NXPE2: variants seen among roughly 807,000 people sequenced by gnomAD.
NXPE2 encodes the protein neurexophilin and PC-esterase domain family member 2, also known as NXPE family member 2.
Under a neutral mutation model 34.4 loss-of-function variants are expected in NXPE2, and 34 were observed. That is an observed-to-expected ratio of 0.99 (90% CI 0.75 to 1.31). The LOEUF (loss-of-function observed/expected upper bound fraction) is 1.31, where lower values mean the gene tolerates loss of function less well. Among genes scored for constraint, NXPE2 ranks in the 40% most tolerant of loss-of-function variants. The pLI is 0.00. For missense variants in NXPE2, 649 were observed against 672.5 expected, an observed-to-expected ratio of 0.97 and a Z score of 0.39; for synonymous variants, 235 against 231.3, an observed-to-expected ratio of 1.02 and a Z score of -0.15.
the NXPE2 span, among the ~76,000 whole-genome samples, chr11:114,511,362 G>A: frequency 6.6e-6 from 1 of 152,122 alleles, no homozygotes; most frequent in African/African-American, 2.4e-5. Flanking sequence ...CATAGCCAGA[G>A]GGAGCACATC....
At chr11:114,763,091 A>G in the NXPE2 span, among the ~76,000 whole-genome samples, 1 of 152,106 alleles carries the variant, frequency 6.6e-6, no homozygotes, top group Non-Finnish European at 1.5e-5. Context: ...ATTGCTGTTA[A>G]TTGCTTCTAT....
the NXPE2 span, among the ~76,000 whole-genome samples, chr11:114,765,979 C>T: frequency 2.0e-5 from 3 of 152,154 alleles, no homozygotes; most frequent in East Asian, 5.8e-4. Context: ...GCCATCACCT[C>T]CAATGAACTC....
the NXPE2 span, among the ~76,000 whole-genome samples, chr11:114,542,984 G>T: frequency 6.6e-6 from 1 of 152,148 alleles, no homozygotes; most frequent in Non-Finnish European, 1.5e-5. Context: ...GTCAGGTAAA[G>T]TGGCTTATGC....
chr11:114,705,923 A>G lies in NXPE2; in HGVS notation c.1071A>G (p.Glu357=). ...CAAAAAATATAAATGACTGCTTGGA[A>G]AGAAAACTTATTTATCTCATGGGAG... ...NETKNINDCL[E]RKLIYLMGDS... The change falls in exon 5 of 6, where the codon GAA becomes GAG. Residue 357 remains glutamate, a synonymous_variant. Coordinates refer to ENST00000389586, the MANE Select transcript of NXPE2 (RefSeq NM_182495.6). 6.5e-7 allele frequency: 1 copy of G among 1,541,618 alleles called. No homozygotes were observed.
the NXPE2 span, among the ~76,000 whole-genome samples, chr11:114,483,975 CT>C: frequency 6.6e-6 from 1 of 152,144 alleles, no homozygotes; most frequent in African/African-American, 2.4e-5. Context: ...CTTTCTGCAT[CT>C]ACCACTGATG....
chr11:114,474,911 G>A, the NXPE2 span, among the ~76,000 whole-genome samples: 55,350 of 151,986 alleles, frequency 0.36, 10,486 homozygotes, highest in South Asian at 0.49. Context: ...TATGATTGTC[G>A]TGTGACCTTT....
chr11:114,580,000 T>C, the NXPE2 span: 1 of 730,696 alleles, frequency 1.4e-6, no homozygotes, highest in South Asian at 1.7e-5. Flanking sequence ...AACAATGCCT[T>C]GTGAAAAATT....
the NXPE2 span, among the ~76,000 whole-genome samples, chr11:114,477,984 G>T: frequency 6.6e-6 from 1 of 152,110 alleles, no homozygotes; most frequent in South Asian, 2.1e-4. Context: ...ACATCCCTCA[G>T]TGTTGCATGG....
chr11:114,559,563 C>T, the NXPE2 span, among the ~76,000 whole-genome samples: 3 of 151,788 alleles, frequency 2.0e-5, no homozygotes, highest in Admixed American at 6.6e-5. Flanking sequence ...GCTGTCTCAC[C>T]GTCAAAACCA....
chr11:114,614,071 C>G, the NXPE2 span, among the ~76,000 whole-genome samples: 7 of 148,858 alleles, frequency 4.7e-5, no homozygotes, highest in South Asian at 8.6e-4. Context: ...TCGCCTCATG[C>G]ATAACCACTG....
the NXPE2 span, among the ~76,000 whole-genome samples, chr11:114,798,253 A>C: frequency 6.6e-5 from 10 of 152,324 alleles, no homozygotes; most frequent in African/African-American, 2.4e-4. Flanking sequence ...AATTTCTGTC[A>C]CCAACAGGTA....
the NXPE2 span, among the ~76,000 whole-genome samples, chr11:114,802,597 A>G: frequency 6.6e-6 from 1 of 152,188 alleles, no homozygotes; most frequent in Non-Finnish European, 1.5e-5. Flanking sequence ...TGATGGAATC[A>G]TTGAGCTAGA....
the NXPE2 span, among the ~76,000 whole-genome samples, chr11:114,483,394 AT>A: frequency 1.3e-5 from 2 of 152,348 alleles, no homozygotes; most frequent in East Asian, 3.9e-4. Flanking sequence ...TTGCTGTCTA[AT>A]CTTGATCAAA....
At chr11:114,725,993 A>ATAT in the NXPE2 span, among the ~76,000 whole-genome samples, 2 of 127,392 alleles carry the variant, frequency 1.6e-5, no homozygotes. Flanking sequence ...ATATATATAT[A>ATAT]AAAAGAAAAA....
the NXPE2 span, among the ~76,000 whole-genome samples, chr11:114,773,381 G>C: frequency 2.0e-5 from 3 of 149,482 alleles, no homozygotes; most frequent in African/African-American, 7.4e-5. Flanking sequence ...TTCCAGATAA[G>C]AACCCCCCGC....
At chr11:114,670,866 C>A in the NXPE2 span, among the ~76,000 whole-genome samples, 1 of 151,274 alleles carries the variant, frequency 6.6e-6, no homozygotes, top group African/African-American at 2.4e-5. Context: ...GGAGAAAACG[C>A]AGGCAATGGA....
chr11:114,643,291 T>C, the NXPE2 span, among the ~76,000 whole-genome samples: 1 of 152,130 alleles, frequency 6.6e-6, no homozygotes, highest in Non-Finnish European at 1.5e-5. Flanking sequence ...TTGACTTTTG[T>C]TGCCACTGCT....
At chr11:114,740,720 A>G in the NXPE2 span, among the ~76,000 whole-genome samples, 2 of 152,144 alleles carry the variant, frequency 1.3e-5, no homozygotes, top group African/African-American at 4.8e-5. Context: ...CTATTTCCTT[A>G]TCAATTTTCT....
chr11:114,647,157 A>G, the NXPE2 span, among the ~76,000 whole-genome samples: 1 of 152,208 alleles, frequency 6.6e-6, no homozygotes, highest in Non-Finnish European at 1.5e-5. Flanking sequence ...AATTACAGTG[A>G]TTCTCATTAC....
Sources: gnomAD v4.1 joint callset for allele counts (sites outside exome capture counted in the v4.1 genomes callset) on GRCh38, gnomAD v4.1.1 for gene constraint, MANE v1.5 for transcripts, NCBI Gene and HGNC (gene_info 2026-07-23, HGNC 2026-07-21) for gene names.